Variants in MASP1 observed in about 807,000 individuals in gnomAD.
MASP1 encodes MBL associated serine protease 1, also known as mannan-binding lectin serine protease 1.
In MASP1, 59 loss-of-function variants were observed where a neutral mutation model predicts 77.1. That is an observed-to-expected ratio of 0.77 (90% CI 0.62 to 0.95). The LOEUF is 0.95. MASP1 is among the 40% of genes least tolerant of loss of function. The pLI is 0.00. For missense variants in MASP1, 885 were observed against 912.9 expected, an observed-to-expected ratio of 0.97 and a Z score of 0.39; for synonymous variants, 362 against 354.5, an observed-to-expected ratio of 1.02 and a Z score of -0.24.
In MASP1 at chr3:187,235,990, G is replaced by A. The variant is rs772782730; in HGVS notation, c.1881C>T (p.His627=). 1.1e-5 allele frequency: 17 copies of A among 1,614,106 alleles called. No individual in the cohort carries two copies. The highest frequency in any genetic ancestry group is 6.7e-5 in the African/African-American group (5 of 74,936). Residue 627 remains histidine (H), a synonymous_variant, in exon 11 of 11, where the codon CAC becomes CAT. Coordinates refer to ENST00000296280, the MANE Select transcript of MASP1 (RefSeq NM_139125.4). ...ACTCATAGCTAGTTTTGCACTCAGC[G>A]TGAGGCACCACGGGTAACTTGACAT... The part of the protein sequence containing the change: ...LQYVKLPVVP[H]AECKTSYESR...
chr3:187,226,343 G>A (rs1208015867), intron 12 of MASP1: 115 of 1,202,184 alleles, frequency 9.6e-5, no homozygotes, highest in Admixed American at 1.6e-4. Flanking sequence ...CTTGGAAAGG[G>A]CCAGTAGGTC....
intron 8 of MASP1, chr3:187,246,727 C>G: frequency 1.0e-6 from 1 of 982,612 alleles, no homozygotes. Context: ...AACTTGTAAG[C>G]CCCAGAAGAC....
At position 187,259,057 on chromosome 3, in the gene MASP1, C is replaced by T. The variant is rs1256079373; in HGVS notation, c.547+1684G>A. On this transcript the variant is annotated intron_variant, in intron 4 of 10. Transcript: ENST00000296280. The stretch of plus-strand genomic sequence containing the variant: ...TTCTGTGAGTGCAGGAATTCTGCTT[C>T]GTTCCCCACTGCATTTACTGCACGC... 2.0e-5 allele frequency among the ~76,000 whole-genome samples: 3 copies of T among 152,210 alleles called. No individual in the cohort carries two copies. The East Asian group carries it at 5.8e-4, about 29-fold the overall frequency.
chr3:187,279,816 C>T (rs1462941574), intron 2 of MASP1, among the ~76,000 whole-genome samples: 1 of 152,198 alleles, frequency 6.6e-6, no homozygotes, highest in Non-Finnish European at 1.5e-5. Context: ...CCCTCCCTGG[C>T]CATCTAAAAA....
intron 14 of MASP1, among the ~76,000 whole-genome samples, chr3:187,222,233 T>A (rs575377045): frequency 1.1e-3 from 165 of 152,322 alleles, no homozygotes; most frequent in African/African-American, 3.8e-3. Flanking sequence ...TTCTGGAGCA[T>A]CCTGCATTTC....
chr3:187,253,326 TGA>T lies in MASP1; in HGVS notation c.745-13_745-12del, dbSNP rs745796040. The T allele has an allele frequency of 1.2e-3, 1,816 of 1,544,722 alleles. No homozygotes were observed. The highest frequency in any genetic ancestry group is 1.3e-3 in the Non-Finnish European group (1,429 of 1,129,480). The stretch of plus-strand genomic sequence containing the variant: ...TGGACCAACTTTGATCTGCAAAATA[TGA>T]GAGAGAGAGAGAGAAATAGAGTGTT... On this transcript the variant is annotated splice_polypyrimidine_tract_variant and intron_variant, in intron 5 of 10. Transcript: ENST00000296280.
chr3:187,218,608 C>T (rs1711873982), exon 16 of MASP1: 2 of 151,432 alleles, frequency 1.3e-5, no homozygotes, highest in Non-Finnish European at 3.0e-5. Flanking sequence ...TATATATGTT[C>T]TCATTCTCCA....
At position 187,243,513 on chromosome 3, in the gene MASP1, G is replaced by T. The variant is rs1344067587; in HGVS notation, c.1199C>A (p.Pro400His). The part of the protein sequence containing the change: ...KSEIKYSCQE[P>H]YYKMLNNNTG... ...GTTATTGTTGAGCATCTTGTAATAG[G>T]GCTCCTGACAGGAGTATTTGATCTC... The change falls in exon 9 of 11, where the codon CCC (proline) becomes CAC (histidine). Residue 400 changes from proline to histidine, a missense_variant. Coordinates refer to ENST00000296280, the MANE Select transcript of MASP1 (RefSeq NM_139125.4). 1 of 1,613,974 alleles carries T rather than the reference G, an allele frequency of 6.2e-7. No individual in the cohort carries two copies. The highest frequency in any genetic ancestry group is 1.7e-5 in the Admixed American group (1 of 60,024).
At chr3:187,268,759 G>A (rs1716267490) in intron 2 of MASP1, among the ~76,000 whole-genome samples, 1 of 152,130 alleles carries the variant, frequency 6.6e-6, no homozygotes, top group African/African-American at 2.4e-5. Context: ...TTGGAAAACA[G>A]TTTATCCACT....
Position 187,234,419 on chromosome 3 carries a change from C to T in MASP1, c.*1265G>A, listed in dbSNP as rs1272195536. On this transcript the variant is annotated 3_prime_UTR_variant, in exon 11 of 11. Transcript: ENST00000296280. The stretch of plus-strand genomic sequence containing the variant: ...TCTGAGTGCTCCAGCTAGAAGGAAC[C>T]TGCAGGGGACCTTATGCCAGCCTGT... 9.3e-6 allele frequency: 12 copies of T among 1,287,058 alleles called. No homozygotes were observed. Among genetic ancestry groups the T allele is most frequent in the African/African-American group, 1.5e-5 (1 of 65,912 alleles). 79.7% of individuals were successfully genotyped at this position (1,287,058 alleles called of 1,614,324 possible).
At chr3:187,257,016 G>T (rs1715147306) in intron 4 of MASP1, among the ~76,000 whole-genome samples, 156 bp from the exon 5 acceptor site, 1 of 152,060 alleles carries the variant, frequency 6.6e-6, no homozygotes, top group South Asian at 2.1e-4. Context: ...GAAGCTCAAG[G>T]TCGCATGTCT....
At chr3:187,219,110 G>T (rs1353206004) in exon 16 of MASP1, 5 of 152,298 alleles carry the variant, frequency 3.3e-5, no homozygotes, top group Admixed American at 3.3e-4. Context: ...GTGGAAAGGG[G>T]TGGGTATTTC....
At chr3:187,262,348 T>C (rs528568698) in intron 3 of MASP1, among the ~76,000 whole-genome samples, 195 bp downstream of exon 3, 31 of 152,198 alleles carry the variant, frequency 2.0e-4, no homozygotes, top group Non-Finnish European at 4.0e-4. Context: ...AAACACTTTG[T>C]AAAAGATGAA....
intron 5 of MASP1, among the ~76,000 whole-genome samples, chr3:187,255,842 T>C (rs921633170): frequency 6.6e-6 from 1 of 152,178 alleles, no homozygotes. Flanking sequence ...CCTTTTTTTT[T>C]TTCTAGGACA....
At chr3:187,249,153 G>C (rs1714351199) in intron 8 of MASP1, among the ~76,000 whole-genome samples, 1 of 152,214 alleles carries the variant, frequency 6.6e-6, no homozygotes, top group Non-Finnish European at 1.5e-5. Flanking sequence ...CGCCTCCTGG[G>C]TTCCAGCAAT....
At position 187,262,532 on chromosome 3, in the gene MASP1, C is replaced by A; in HGVS notation, c.415+11G>T. 1.9e-6 allele frequency: 3 copies of A among 1,613,938 alleles called. No individual in the cohort carries two copies. Among genetic ancestry groups the A allele is most frequent in the Non-Finnish European group, 2.5e-6 (3 of 1,179,908 alleles). On this transcript the variant is annotated intron_variant, in intron 3 of 10. Transcript: ENST00000296280. Reference sequence around the variant, plus strand: ...AGAGAGACCTGAGGATGAGTCACTTCTCCAACTTACCCACAGCCATGTAGT... The same window carrying A: ...AGAGAGACCTGAGGATGAGTCACTTATCCAACTTACCCACAGCCATGTAGT...
chr3:187,283,284 A>G (rs189796836), intron 2 of MASP1, among the ~76,000 whole-genome samples: 1 of 152,382 alleles, frequency 6.6e-6, no homozygotes, highest in East Asian at 1.9e-4. Flanking sequence ...CAGTGTTAGA[A>G]GAGGTCTTCA....
intron 6 of MASP1, among the ~76,000 whole-genome samples, chr3:187,252,761 G>A (rs1400085926): frequency 1.3e-5 from 2 of 152,122 alleles, no homozygotes; most frequent in Non-Finnish European, 2.9e-5. Context: ...AGGAGGCAAA[G>A]CACCATAATG....
At chr3:187,282,341 CA>C (rs1485578750) in intron 2 of MASP1, among the ~76,000 whole-genome samples, 1 of 151,814 alleles carries the variant, frequency 6.6e-6, no homozygotes, top group Admixed American at 6.6e-5. Context: ...TGCTAAAATA[CA>C]AAAAATTAGT....
Sources: gnomAD v4.1 joint callset for allele counts (sites outside exome capture counted in the v4.1 genomes callset) on GRCh38, gnomAD v4.1.1 for gene constraint, MANE v1.5 for transcripts, NCBI Gene and HGNC (gene_info 2026-07-23, HGNC 2026-07-21) for gene names.